The following RIC8B variants were observed in gnomAD, a reference collection of about 807,000 sequenced individuals.
RIC8B encodes chaperone Ric-8B.
Under a neutral mutation model 57.5 loss-of-function variants are expected in RIC8B, and 16 were observed. The observed-to-expected ratio is 0.28, with a 90% CI of 0.19 to 0.42. The LOEUF (loss-of-function observed/expected upper bound fraction) is 0.42, where lower values mean the gene tolerates loss of function less well. RIC8B is among the 10% of genes least tolerant of loss of function. The pLI is 1.00. For missense variants in RIC8B, 481 were observed against 677.0 expected, an observed-to-expected ratio of 0.71 and a Z score of 3.21; for synonymous variants, 216 against 250.8, an observed-to-expected ratio of 0.86 and a Z score of 1.31.
At chr12:106,854,057 G>A (rs1313846954) in intron 7 of RIC8B, among the ~76,000 whole-genome samples, 1 of 152,172 alleles carries the variant, frequency 6.6e-6, no homozygotes, top group African/African-American at 2.4e-5. Context: ...ATTGGCTGGT[G>A]TAGGGAGACG....
intron 9 of RIC8B, among the ~76,000 whole-genome samples, chr12:106,877,648 CTCT>C (rs1459966375): frequency 6.6e-6 from 1 of 152,130 alleles, no homozygotes; most frequent in East Asian, 1.9e-4. Flanking sequence ...ATGATTATGG[CTCT>C]TCTGACAAAT....
intron 1 of RIC8B, among the ~76,000 whole-genome samples, chr12:106,782,963 T>C (rs533105868): frequency 6.6e-6 from 1 of 152,346 alleles, no homozygotes; most frequent in East Asian, 1.9e-4. Flanking sequence ...TTAAGAGTAC[T>C]TGGTTCTCCT....
In RIC8B at chr12:106,842,829, A is replaced by T; in HGVS notation, c.1065+12A>T. 4.6e-6 allele frequency: 7 copies of T among 1,529,184 alleles called. No individual in the cohort carries two copies. Among genetic ancestry groups the T allele is most frequent in the Non-Finnish European group, 6.3e-6 (7 of 1,104,844 alleles). The allele number at this position is 1,529,184 out of a possible 1,614,324, so 94.7% of individuals were successfully genotyped here. ...AGAGAATAGACAAGGTAAGGCTGAT[A>T]AAATGGAAGCCCTGGGAAGATGCTT... On this transcript the variant is annotated intron_variant, in intron 5 of 9. Transcript: ENST00000392837.
intron 8 of RIC8B, among the ~76,000 whole-genome samples, chr12:106,862,568 AT>A (rs1287100293): frequency 6.6e-6 from 1 of 152,070 alleles, no homozygotes; most frequent in Non-Finnish European, 1.5e-5. Flanking sequence ...ATCTGAAAGG[AT>A]TGCTTACTCC....
intron 7 of RIC8B, among the ~76,000 whole-genome samples, chr12:106,857,890 C>T (rs1387915130): frequency 6.6e-6 from 1 of 152,138 alleles, no homozygotes; most frequent in African/African-American, 2.4e-5. Context: ...AACAGAAGTT[C>T]ATGTGATTTT....
In RIC8B at chr12:106,815,227, CAGG is replaced by C. The variant is rs1488511821; in HGVS notation, c.667_669del (p.Glu223del). 6.2e-7 allele frequency: 1 copy of C among 1,614,034 alleles called. No individual in the cohort carries two copies. The highest frequency in any genetic ancestry group is 8.5e-7 in the Non-Finnish European group (1 of 1,179,994). On this transcript the variant is annotated inframe_deletion, in exon 3 of 10. Transcript: ENST00000392837. ...CCATAATGGACCTCCTCTCTCACCT[CAGG>C]AGACAGACTGTGCCATTGAGGCCCT...
intron 2 of RIC8B, among the ~76,000 whole-genome samples, chr12:106,795,383 A>C (rs2044433145): frequency 6.6e-6 from 1 of 152,154 alleles, no homozygotes; most frequent in African/African-American, 2.4e-5. Context: ...AAGAAAGAAA[A>C]GAAAACAGCT....
At position 106,886,290 on chromosome 12, in the gene RIC8B, T is replaced by TA. The variant is rs1261128374; in HGVS notation, c.*278dup. The TA allele has an allele frequency of 1.9e-5, 6 of 323,904 alleles. No homozygotes were observed. The highest frequency in any genetic ancestry group is 3.4e-5 in the Non-Finnish European group (6 of 177,400). The allele number at this position is 323,904 out of a possible 1,614,324, so 20.1% of individuals were successfully genotyped here. On this transcript the variant is annotated 3_prime_UTR_variant, in exon 10 of 10. Transcript: ENST00000392837. ...GATGGAACTGAAGGATTTTATTCTA[T>TA]AAAGCGGCCCTGGTTGAATCTGGCA... is the stretch of plus-strand genomic sequence containing the variant.
chr12:106,887,719 G>C lies in RIC8B; in HGVS notation c.*1704G>C, dbSNP rs1951238916. On this transcript the variant is annotated 3_prime_UTR_variant, in exon 10 of 10. Coordinates refer to ENST00000392837, the MANE Select transcript of RIC8B (RefSeq NM_001330145.2). Reference sequence around the variant, plus strand: ...AAAAAGGCCAACTGAAAACTAGATAGTGAGATGAGAAGAATAAAACTTCAA... The same window carrying C: ...AAAAAGGCCAACTGAAAACTAGATACTGAGATGAGAAGAATAAAACTTCAA... The C allele has an allele frequency of 6.6e-6, 1 of 152,236 alleles. No homozygotes were observed. Among genetic ancestry groups the C allele is most frequent in the African/African-American group, 2.4e-5 (1 of 41,470 alleles). 9.4% of individuals were successfully genotyped at this position (152,236 alleles called of 1,614,324 possible).
intron 8 of RIC8B, among the ~76,000 whole-genome samples, chr12:106,868,021 G>A (rs1950212823): frequency 6.6e-6 from 1 of 152,142 alleles, no homozygotes. Flanking sequence ...TAATTTCAGA[G>A]CAAACCATTA....
At chr12:106,825,667 A>G in intron 3 of RIC8B, 59 bp from the exon 4 acceptor site, 1 of 1,235,598 alleles carries the variant, frequency 8.1e-7, no homozygotes, top group African/African-American at 1.5e-5. Flanking sequence ...GTAAAGTAGC[A>G]GACCCCACTG....
chr12:106,797,928 G>A (rs779665240), intron 2 of RIC8B: 8 of 631,076 alleles, frequency 1.3e-5, no homozygotes, highest in Non-Finnish European at 2.3e-5. Flanking sequence ...TAATTGGATT[G>A]ACCTGTTGTG....
chr12:106,846,849 T>G (rs867195367), intron 6 of RIC8B, among the ~76,000 whole-genome samples: 1 of 152,000 alleles, frequency 6.6e-6, no homozygotes, highest in Admixed American at 6.6e-5. Flanking sequence ...AGTAGAGGTA[T>G]GGAGATGAAA....
intron 4 of RIC8B, among the ~76,000 whole-genome samples, chr12:106,826,040 G>A (rs1291022720): frequency 6.6e-6 from 1 of 152,174 alleles, no homozygotes; most frequent in Non-Finnish European, 1.5e-5. Flanking sequence ...GGCTCAACAG[G>A]AGAAGAGAAT....
intron 4 of RIC8B, among the ~76,000 whole-genome samples, chr12:106,828,471 AT>A (rs2046210595): frequency 1.3e-5 from 2 of 152,306 alleles, no homozygotes; most frequent in South Asian, 4.1e-4. Context: ...CTCAAATTCC[AT>A]TTTTGAAAGT....
Position 106,867,203 on chromosome 12 carries a change from CATTT to C in RIC8B, c.1452-3619_1452-3616del, listed in dbSNP as rs147812328. ...ACAGTTCAGGTTTTATACCTGTGTT[CATTT>C]GTCCATACCTTTTTAGTGTGTCTTA... is the stretch of plus-strand genomic sequence containing the variant. On this transcript the variant is annotated intron_variant, in intron 8 of 9. Coordinates refer to ENST00000392837, the MANE Select transcript of RIC8B (RefSeq NM_001330145.2). This position sits in a 1 kb window ranked among gnomAD's most constrained non-coding sequence, Gnocchi z 4.3. Among the ~76,000 whole-genome samples, 533 of 152,282 alleles carry C rather than the reference CATTT, an allele frequency of 3.5e-3. 4 individuals carry two copies. Among genetic ancestry groups the C allele is most frequent in the African/African-American group, 0.012 (514 of 41,560 alleles).
rs1566169701 is a variant in RIC8B at position 106,871,500 on chromosome 12, C to CAAAAAAA, written c.1571+564_1571+565insAAAAAAA. 5.8e-3 allele frequency: 387 copies of CAAAAAAA among 66,506 alleles called. 48 individuals carry two copies. Among genetic ancestry groups the CAAAAAAA allele is most frequent in the African/African-American group, 9.0e-3 (150 of 16,598 alleles). 4.1% of individuals were successfully genotyped at this position (66,506 alleles called of 1,614,324 possible). A position where few individuals can be genotyped will look rare whatever the true frequency, so the allele number is the denominator to read the frequency against. On this transcript the variant is annotated intron_variant, in intron 9 of 9. Transcript: ENST00000392837. The stretch of plus-strand genomic sequence containing the variant: ...AAAAAAAAAAAAAAAAAAAAAAAAC[C>CAAAAAAA]AAAAAACTCCCCTTCCCCTCTTGCT...
intron 6 of RIC8B, among the ~76,000 whole-genome samples, chr12:106,847,317 A>T (rs191084856): frequency 6.6e-6 from 1 of 152,214 alleles, no homozygotes; most frequent in Non-Finnish European, 1.5e-5. Flanking sequence ...AATTTGTTTT[A>T]AGGAACCAAA....
At chr12:106,846,990 T>C (rs1288988462) in intron 6 of RIC8B, among the ~76,000 whole-genome samples, 1 of 152,216 alleles carries the variant, frequency 6.6e-6, no homozygotes, top group Non-Finnish European at 1.5e-5. Flanking sequence ...TTAACTCTGA[T>C]AATAATGTAA....
Sources: allele counts gnomAD v4.1 joint callset (sites outside exome capture counted in the v4.1 genomes callset), GRCh38; gene constraint gnomAD v4.1.1; non-coding constraint Gnocchi (gnomAD v3.1); transcripts MANE v1.5; gene names NCBI Gene and HGNC (gene_info 2026-07-23, HGNC 2026-07-21).